Variants in TRPM3 observed in about 807,000 individuals in gnomAD.
TRPM3 encodes the protein transient receptor potential cation channel subfamily M member 3, also known as long transient receptor potential channel 3.
TRPM3 carries 77 observed loss-of-function variants against 181.2 expected under a neutral mutation model. The ratio of observed to expected loss-of-function variants is 0.42; its 90% CI spans 0.35 to 0.51. The LOEUF is 0.51. TRPM3 is among the 20% of genes least tolerant of loss of function. The pLI, the probability that TRPM3 is intolerant of heterozygous loss-of-function variation, is 0.01. For missense variants in TRPM3, 1,759 were observed against 2,196.7 expected (o/e 0.80, Z 3.98); for synonymous variants, 745 against 796.4 (o/e 0.94, Z 1.09).
chr9:70,948,267 C>T (rs1213264015), intron 1 of TRPM3, among the ~76,000 whole-genome samples: 1 of 152,150 alleles, frequency 6.6e-6, no homozygotes, highest in Non-Finnish European at 1.5e-5. Flanking sequence ...TCCTTAAGAA[C>T]CCCTTCTCAA....
chr9:71,055,987 T>C (rs1003738187), intron 1 of TRPM3, among the ~76,000 whole-genome samples: 8 of 151,978 alleles, frequency 5.3e-5, no homozygotes, highest in Non-Finnish European at 1.2e-4. Flanking sequence ...TCAGGCCGTG[T>C]ATAAAGTATT....
At chr9:70,635,116 G>T in intron 12 of TRPM3, 95 bp downstream of exon 12, 1 of 1,041,482 alleles carries the variant, frequency 9.6e-7, no homozygotes, top group Non-Finnish European at 1.5e-6. Context: ...ATAGGGACAG[G>T]AATACTCTGG....
At chr9:70,848,781 T>C (rs2095095889) in intron 3 of TRPM3, among the ~76,000 whole-genome samples, 1 of 32,338 alleles carries the variant, frequency 3.1e-5, no homozygotes, top group Non-Finnish European at 7.2e-5. Flanking sequence ...ATCGAGACCA[T>C]CCTGGCTAAC....
intron 8 of TRPM3, among the ~76,000 whole-genome samples, chr9:70,683,675 C>T (rs2066064970): frequency 6.6e-6 from 1 of 151,926 alleles, no homozygotes; most frequent in Admixed American, 6.6e-5. Context: ...AGGTGTGTCC[C>T]AATTCAATTA....
intron 1 of TRPM3, among the ~76,000 whole-genome samples, chr9:71,169,512 A>G (rs565568310): frequency 6.6e-6 from 1 of 152,336 alleles, no homozygotes; most frequent in East Asian, 1.9e-4. Flanking sequence ...TCTTGATAGA[A>G]CCAAAAAAAC....
chr9:70,952,218 A>G (rs1185814432), intron 1 of TRPM3, among the ~76,000 whole-genome samples: 2 of 152,192 alleles, frequency 1.3e-5, no homozygotes, highest in Non-Finnish European at 2.9e-5. Flanking sequence ...CTCATTTTAC[A>G]GCCTGATTCC....
At chr9:71,227,694 GACT>G (rs1246306847) in intron 1 of TRPM3, among the ~76,000 whole-genome samples, 1 of 151,982 alleles carries the variant, frequency 6.6e-6, no homozygotes, top group Admixed American at 6.6e-5. Flanking sequence ...GATCATTAGA[GACT>G]ACTATGTGCA....
intron 1 of TRPM3, among the ~76,000 whole-genome samples, chr9:70,984,910 T>C (rs911920681): frequency 6.6e-6 from 1 of 152,276 alleles, no homozygotes; most frequent in African/African-American, 2.4e-5. Context: ...TTTATTTACC[T>C]TGCAGAATAT....
chr9:70,963,470 G>A (rs1273261258), intron 1 of TRPM3, among the ~76,000 whole-genome samples: 1 of 152,108 alleles, frequency 6.6e-6, no homozygotes, highest in Non-Finnish European at 1.5e-5. Context: ...CTGGAGAGGA[G>A]AGAGGACTAG....
At chr9:71,231,232 T>A (rs1244229009) in intron 1 of TRPM3, among the ~76,000 whole-genome samples, 2 of 152,198 alleles carry the variant, frequency 1.3e-5, no homozygotes, top group Non-Finnish European at 2.9e-5. Flanking sequence ...TATGCTAGAT[T>A]ATCTGGGTGG....
At chr9:70,609,931 A>G (rs528757841) in intron 19 of TRPM3, among the ~76,000 whole-genome samples, 6 of 152,174 alleles carry the variant, frequency 3.9e-5, no homozygotes, top group Non-Finnish European at 8.8e-5. Context: ...ATCACTGAAC[A>G]GTAGAAGTAG....
intron 5 of TRPM3, among the ~76,000 whole-genome samples, chr9:70,841,661 T>TATATATATATATATATATATATATATGA (rs1339698170): frequency 1.2e-5 from 1 of 86,080 alleles, no homozygotes; most frequent in African/African-American, 4.8e-5. Context: ...TATATATATA[T>TATATATATATATATATATATATATATGA]CCCACCATAT....
At chr9:70,636,884 C>T (rs2057302386) in intron 11 of TRPM3, among the ~76,000 whole-genome samples, 1 of 152,036 alleles carries the variant, frequency 6.6e-6, no homozygotes, top group Non-Finnish European at 1.5e-5. Flanking sequence ...GACGGAGTTT[C>T]ATCATGTTGG....
chr9:71,166,099 C>A (rs1198129510), intron 1 of TRPM3, among the ~76,000 whole-genome samples: 1 of 152,134 alleles, frequency 6.6e-6, no homozygotes, highest in African/African-American at 2.4e-5. Flanking sequence ...AAGAATCAAG[C>A]AAGACAGAGG....
intron 1 of TRPM3, among the ~76,000 whole-genome samples, chr9:70,975,750 A>C (rs2097295681): frequency 6.6e-6 from 1 of 152,154 alleles, no homozygotes; most frequent in Admixed American, 6.5e-5. Context: ...AGTAGGCAGC[A>C]TGGTATTATG....
intron 1 of TRPM3, among the ~76,000 whole-genome samples, chr9:71,393,450 T>G (rs2093112975): frequency 6.6e-6 from 1 of 152,172 alleles, no homozygotes; most frequent in South Asian, 2.1e-4. Context: ...AAGTGCTAAT[T>G]AAGAGTGCTT....
intron 8 of TRPM3, among the ~76,000 whole-genome samples, chr9:70,688,843 A>C (rs1424177994): frequency 6.6e-6 from 1 of 152,096 alleles, no homozygotes; most frequent in Non-Finnish European, 1.5e-5. Flanking sequence ...TGCCCCTATG[A>C]TTCTCTAAGC....
intron 9 of TRPM3, among the ~76,000 whole-genome samples, chr9:70,679,945 G>A (rs887454626): frequency 1.3e-5 from 2 of 152,114 alleles, no homozygotes; most frequent in Non-Finnish European, 2.9e-5. Flanking sequence ...CCCTGGTCCC[G>A]TGATTCTTCT....
At chr9:70,548,364 A>G (rs928801663) in intron 25 of TRPM3, among the ~76,000 whole-genome samples, 1 of 152,256 alleles carries the variant, frequency 6.6e-6, no homozygotes, top group Admixed American at 6.5e-5. Flanking sequence ...ACCGATGGAT[A>G]CTATCACTTA....
Sources: gnomAD v4.1 joint callset for allele counts (sites outside exome capture counted in the v4.1 genomes callset) on GRCh38, gnomAD v4.1.1 for gene constraint, MANE v1.5 for transcripts, NCBI Gene and HGNC (gene_info 2026-07-23, HGNC 2026-07-21) for gene names.